RAP1A: variants seen among roughly 807,000 people sequenced by gnomAD.
RAP1A encodes the protein RAP1A, member of RAS oncogene family.
In RAP1A, 6 loss-of-function variants were observed where a neutral mutation model predicts 26.4. That is an observed-to-expected ratio of 0.23 (90% confidence interval 0.12 to 0.45). The LOEUF (loss-of-function observed/expected upper bound fraction) is 0.45, where lower values mean the gene tolerates loss of function less well. Ranked by LOEUF, RAP1A falls within the 20% of genes least tolerant of loss-of-function variation. RAP1A has a pLI of 0.99. For missense variants in RAP1A, 121 were observed against 217.2 expected, an observed-to-expected ratio of 0.56 and a Z score of 2.78; for synonymous variants, 73 against 79.4, an observed-to-expected ratio of 0.92 and a Z score of 0.43.
chr1:111,700,674 C>G (rs981268280), intron 4 of RAP1A, among the ~76,000 whole-genome samples: 1 of 152,162 alleles, frequency 6.6e-6, no homozygotes, highest in Non-Finnish European at 1.5e-5. Context: ...TTTTGTATGT[C>G]TTATAAGCAT....
At chr1:111,574,391 G>A (rs919882878) in intron 1 of RAP1A, among the ~76,000 whole-genome samples, 2 of 152,318 alleles carry the variant, frequency 1.3e-5, no homozygotes, top group Non-Finnish European at 2.9e-5. Context: ...TGGGAAGCAG[G>A]ATGCCTCCAG....
At chr1:111,573,692 G>C (rs1414497688) in intron 1 of RAP1A, among the ~76,000 whole-genome samples, 2 of 152,114 alleles carry the variant, frequency 1.3e-5, no homozygotes, top group Non-Finnish European at 2.9e-5. Context: ...ATGTGGTTTT[G>C]ATTTGCATTT....
Position 111,624,984 on chromosome 1 carries a change from C to T in RAP1A, c.-28+5050C>T, listed in dbSNP as rs79364363. Among the ~76,000 whole-genome samples the T allele has an allele frequency of 1.3e-3, 201 of 152,126 alleles. 2 individuals are homozygous for T. The East Asian group carries it at 0.037, about 28-fold the overall frequency. ...TTTCCCAGTGTTTCTTACCTCTAAC[C>T]TATTTAGTTTACACTGGTAGAGTGG... On this transcript the variant is annotated intron_variant, in intron 1 of 7. Transcript: ENST00000369709.
At chr1:111,694,051 G>T (rs1327549474) in intron 2 of RAP1A, among the ~76,000 whole-genome samples, 4 of 151,988 alleles carry the variant, frequency 2.6e-5, no homozygotes, top group African/African-American at 9.7e-5. Flanking sequence ...ACCACACCTG[G>T]TTAAATTTTT....
intron 5 of RAP1A, 133 bp from the exon 6 acceptor site, chr1:111,704,210 C>T (rs1662116052): frequency 2.7e-5 from 18 of 662,870 alleles, no homozygotes; most frequent in South Asian, 1.1e-4. Context: ...ATATACTTTT[C>T]GTTAGTATTT....
intron 1 of RAP1A, among the ~76,000 whole-genome samples, chr1:111,563,601 G>A (rs1054008458): frequency 5.9e-5 from 9 of 152,296 alleles, no homozygotes; most frequent in Admixed American, 5.9e-4. Flanking sequence ...ATGGGAAAAT[G>A]CCTCCAGAGC....
intron 1 of RAP1A, among the ~76,000 whole-genome samples, chr1:111,682,504 C>CA (rs375059165): frequency 0.22 from 25,393 of 113,510 alleles, 2,569 homozygotes; most frequent in South Asian, 0.33. Context: ...AATGGAAAGC[C>CA]AAAAAAAAAA....
intron 1 of RAP1A, among the ~76,000 whole-genome samples, chr1:111,607,697 C>A (rs1658819674): frequency 7.2e-6 from 1 of 138,826 alleles, no homozygotes; most frequent in African/African-American, 2.7e-5. Context: ...CGGGCTGACC[C>A]CCCCACCTCC....
At chr1:111,626,885 A>G (rs1659417288) in intron 1 of RAP1A, among the ~76,000 whole-genome samples, 1 of 152,198 alleles carries the variant, frequency 6.6e-6, no homozygotes, top group African/African-American at 2.4e-5. Flanking sequence ...AGTTTCATAA[A>G]TACAGGTACT....
intron 1 of RAP1A, among the ~76,000 whole-genome samples, chr1:111,662,760 A>G (rs1660679885): frequency 6.6e-6 from 1 of 152,260 alleles, no homozygotes; most frequent in South Asian, 2.1e-4. Context: ...TATGTTGTTT[A>G]CTTAACAGAA....
chr1:111,570,187 C>T (rs1658018405), intron 1 of RAP1A, among the ~76,000 whole-genome samples: 1 of 152,122 alleles, frequency 6.6e-6, no homozygotes, highest in Non-Finnish European at 1.5e-5. Flanking sequence ...GTGGCAGATC[C>T]TCTGAGGCTT....
At chr1:111,693,608 A>G (rs964914615) in intron 2 of RAP1A, among the ~76,000 whole-genome samples, 2 of 152,188 alleles carry the variant, frequency 1.3e-5, no homozygotes. Context: ...GAAAGAAATG[A>G]GAAACGTTGG....
intron 1 of RAP1A, among the ~76,000 whole-genome samples, chr1:111,574,277 C>T (rs1413165396): frequency 1.3e-5 from 2 of 152,042 alleles, no homozygotes; most frequent in African/African-American, 4.8e-5. Context: ...AGGTGTGCGG[C>T]CTTATTTCTG....
At chr1:111,575,029 A>G (rs1051460097) in intron 1 of RAP1A, among the ~76,000 whole-genome samples, 1 of 152,274 alleles carries the variant, frequency 6.6e-6, no homozygotes, top group African/African-American at 2.4e-5. Context: ...AATGCAAGCC[A>G]CATAGTAAAT....
intron 1 of RAP1A, among the ~76,000 whole-genome samples, chr1:111,662,342 C>G (rs986485218): frequency 1.5e-5 from 2 of 136,656 alleles, no homozygotes; most frequent in African/African-American, 5.7e-5. Context: ...TTGCAGTGAG[C>G]AGAGGTAGCA....
intron 1 of RAP1A, among the ~76,000 whole-genome samples, chr1:111,593,556 G>A (rs7530360): frequency 0.063 from 9,501 of 151,740 alleles, 378 homozygotes; most frequent in Non-Finnish European, 0.09. Context: ...AAGAGGATGA[G>A]GCTCTGCTGA....
intron 1 of RAP1A, among the ~76,000 whole-genome samples, chr1:111,662,696 T>G (rs1660678103): frequency 6.6e-6 from 1 of 151,208 alleles, no homozygotes; most frequent in Non-Finnish European, 1.5e-5. Flanking sequence ...CTCTTCACTT[T>G]AGTTTGGGAA....
At chr1:111,691,445 T>TTAA (rs1348269258) in intron 2 of RAP1A, 28 bp downstream of exon 2, 7 of 1,577,242 alleles carry the variant, frequency 4.4e-6, no homozygotes, top group Non-Finnish European at 6.1e-6. Context: ...CTGTAACTGA[T>TTAA]TAATATAATA....
intron 1 of RAP1A, among the ~76,000 whole-genome samples, chr1:111,645,573 A>G (rs1244463043): frequency 6.6e-6 from 1 of 152,240 alleles, no homozygotes; most frequent in Non-Finnish European, 1.5e-5. Flanking sequence ...AATACATGGA[A>G]TAGAGGAATC....
Sources: gnomAD v4.1 joint callset for allele counts (sites outside exome capture counted in the v4.1 genomes callset) on GRCh38, gnomAD v4.1.1 for gene constraint, MANE v1.5 for transcripts, NCBI Gene and HGNC (gene_info 2026-07-23, HGNC 2026-07-21) for gene names.